The following TM9SF2 variants were observed in gnomAD, a reference collection of about 807,000 sequenced individuals.
TM9SF2 encodes the protein transmembrane 9 superfamily member 2.
A neutral mutation model predicts 84.9 loss-of-function variants in TM9SF2; 13 were observed. The ratio of observed to expected loss-of-function variants is 0.15; its 90% CI spans 0.10 to 0.24. The LOEUF is 0.24. TM9SF2 is among the 10% of genes least tolerant of loss of function. The pLI, the probability that TM9SF2 is intolerant of heterozygous loss-of-function variation, is 1.00. For missense variants in TM9SF2, 562 were observed against 818.5 expected, an observed-to-expected ratio of 0.69 and a Z score of 3.82; for synonymous variants, 273 against 285.8, an observed-to-expected ratio of 0.96 and a Z score of 0.45.
At chr13:99,549,303 C>T (rs1485558252) in intron 12 of TM9SF2, 81 bp downstream of exon 12, 4 of 1,062,286 alleles carry the variant, frequency 3.8e-6, no homozygotes, top group African/African-American at 3.2e-5. Context: ...GTCTTTAATC[C>T]TCCGTGTCTC....
chr13:99,539,100 C>T (rs1286550711), intron 6 of TM9SF2, among the ~76,000 whole-genome samples: 2 of 145,964 alleles, frequency 1.4e-5, no homozygotes, highest in Non-Finnish European at 3.0e-5. Flanking sequence ...GTCCCATCTA[C>T]TTGGGAGACT....
In TM9SF2 at chr13:99,543,907, T is replaced by C. The variant is rs1372677405; in HGVS notation, c.1062T>C (p.Asp354=). 1.2e-6 allele frequency: 2 copies of C among 1,614,194 alleles called. No individual in the cohort carries two copies. Among genetic ancestry groups the C allele is most frequent in the Admixed American group, 1.7e-5 (1 of 60,018 alleles). ...TTGGCTGGAAACTTGTTCATGGTGA[T>C]ATATTCCGTCCTCCAAGAAAAGGGA... is the stretch of plus-strand genomic sequence containing the variant. The part of the protein sequence containing the change: ...EEFGWKLVHG[D]IFRPPRKGML... The change falls in exon 10 of 17, where the codon GAT becomes GAC. Residue 354 remains aspartate (D), a synonymous_variant. Coordinates refer to ENST00000376387, the MANE Select transcript of TM9SF2 (RefSeq NM_004800.3).
intron 2 of TM9SF2, among the ~76,000 whole-genome samples, chr13:99,518,386 C>T (rs2046143998): frequency 6.6e-6 from 1 of 152,246 alleles, no homozygotes; most frequent in South Asian, 2.1e-4. Context: ...GATGGGATTA[C>T]AGGCGTGAGC....
chr13:99,532,941 G>T (rs1435486996), intron 4 of TM9SF2, among the ~76,000 whole-genome samples: 1 of 152,178 alleles, frequency 6.6e-6, no homozygotes, highest in African/African-American at 2.4e-5. Flanking sequence ...GATTTTAAGT[G>T]TAACCCTTAA....
chr13:99,555,429 G>A (rs1228739175), intron 14 of TM9SF2, 107 bp from the exon 15 acceptor site: 4 of 827,146 alleles, frequency 4.8e-6, no homozygotes, highest in Admixed American at 2.4e-5. Context: ...TTGGTTAGTT[G>A]AGAGAAAAAG....
In TM9SF2 at chr13:99,536,736, G is replaced by C. The variant is rs1006169236; in HGVS notation, c.590G>C (p.Ser197Thr). 1.1e-5 allele frequency: 17 copies of C among 1,613,034 alleles called. No homozygotes were observed. The highest frequency in any genetic ancestry group is 1.4e-5 in the Non-Finnish European group (16 of 1,179,432). Residue 197 changes from serine to threonine, a missense_variant and splice_region_variant, in exon 5 of 17, where the codon AGT (serine) becomes ACT (threonine). By Grantham distance (58) the Ser-to-Thr change is moderately conservative. Transcript: ENST00000376387. ...KGHAKDACVI[S>T]SDFHERDTFY... ...CATGCAAAAGATGCCTGTGTTATTA[G>C]TGTAAGTTCATGATAAACTCTTTGC...
intron 1 of TM9SF2, among the ~76,000 whole-genome samples, chr13:99,508,814 G>T (rs1302045576): frequency 1.3e-5 from 2 of 152,122 alleles, no homozygotes; most frequent in Non-Finnish European, 2.9e-5. Context: ...AGGGAGTGGT[G>T]CCAACCCATT....
Position 99,562,768 on chromosome 13 carries a change from G to C in TM9SF2, c.*10G>C, listed in dbSNP as rs372946845. 1.2e-6 allele frequency: 2 copies of C among 1,611,286 alleles called. No individual in the cohort carries two copies. The highest frequency in any genetic ancestry group is 1.7e-6 in the Non-Finnish European group (2 of 1,178,942). Reference sequence around the variant, plus strand: ...GGTGAAGGTTGACTGAAGAAGTCCAGTGTGTCCAGTTAAAACAGAAATAAA... The same window carrying C: ...GGTGAAGGTTGACTGAAGAAGTCCACTGTGTCCAGTTAAAACAGAAATAAA... On this transcript the variant is annotated 3_prime_UTR_variant, in exon 17 of 17. Coordinates refer to ENST00000376387, the MANE Select transcript of TM9SF2 (RefSeq NM_004800.3).
chr13:99,545,146 G>A (rs1465308400), intron 10 of TM9SF2, among the ~76,000 whole-genome samples: 3 of 151,934 alleles, frequency 2.0e-5, no homozygotes, highest in Non-Finnish European at 4.4e-5. Flanking sequence ...TATTTTTTAT[G>A]TTTGATTACA....
chr13:99,559,660 C>G (rs763989468), intron 16 of TM9SF2, 126 bp downstream of exon 16: 3 of 870,202 alleles, frequency 3.4e-6, no homozygotes, highest in Non-Finnish European at 5.1e-6. Flanking sequence ...TAGTCCTCAG[C>G]ACAACTAGGC....
intron 13 of TM9SF2, 99 bp downstream of exon 13, chr13:99,552,425 C>A: frequency 8.3e-7 from 1 of 1,209,708 alleles, no homozygotes; most frequent in Non-Finnish European, 1.2e-6. Context: ...AAGATGTAAA[C>A]TTGTCCTTTA....
rs79250009 is a variant in TM9SF2, at chr13:99,530,660, A to G, written c.461+1066A>G. Among the ~76,000 whole-genome samples, 620 of 152,332 alleles carry G rather than the reference A, an allele frequency of 4.1e-3. 5 individuals carry two copies. The highest frequency in any genetic ancestry group is 0.014 in the African/African-American group (580 of 41,586). ...TGTGGGCTATGAAAAAAATCACAGG[A>G]AAACAAAACTTAACTTTTGTTTGAT... On this transcript the variant is annotated intron_variant, in intron 4 of 16. Coordinates refer to ENST00000376387, the MANE Select transcript of TM9SF2 (RefSeq NM_004800.3).
At chr13:99,557,437 A>G (rs1594062889) in intron 15 of TM9SF2, among the ~76,000 whole-genome samples, 1 of 152,096 alleles carries the variant, frequency 6.6e-6, no homozygotes, top group East Asian at 1.9e-4. Context: ...TCTTTATCAG[A>G]TTGTTATTTG....
intron 13 of TM9SF2, among the ~76,000 whole-genome samples, chr13:99,553,848 A>G (rs541692125): frequency 2.0e-5 from 3 of 152,260 alleles, no homozygotes; most frequent in Admixed American, 6.5e-5. Context: ...TGTTGTTTTC[A>G]TGTTCTTAAG....
chr13:99,512,393 C>T (rs760797783), intron 1 of TM9SF2, among the ~76,000 whole-genome samples: 1 of 152,170 alleles, frequency 6.6e-6, no homozygotes, highest in Non-Finnish European at 1.5e-5. Flanking sequence ...TCTGATGATA[C>T]ATTCTTTCTA....
Position 99,520,069 on chromosome 13 carries a change from C to G in TM9SF2, c.273C>G (p.Arg91=). Reference sequence around the variant, plus strand: ...TTTGCCAAGCATCAGAAGGAAAGCGCCCATCTGAAAATCTTGGTCAGGTAC... The same window carrying G: ...TTTGCCAAGCATCAGAAGGAAAGCGGCCATCTGAAAATCTTGGTCAGGTAC... ...FDFCQASEGK[R]PSENLGQVLF... is the part of the protein sequence containing the mutation. The change falls in exon 3 of 17, where the codon CGC becomes CGG. Residue 91 remains arginine, a synonymous_variant. Transcript: ENST00000376387. 1 of 1,613,898 alleles carries G rather than the reference C, an allele frequency of 6.2e-7. No homozygotes were observed. Among genetic ancestry groups the G allele is most frequent in the Non-Finnish European group, 8.5e-7 (1 of 1,179,918 alleles).
intron 14 of TM9SF2, 132 bp downstream of exon 14, chr13:99,554,587 C>G: frequency 1.0e-6 from 1 of 956,114 alleles, no homozygotes; most frequent in South Asian, 2.0e-5. Flanking sequence ...ATCTTAAAAG[C>G]CAAAAGCTTA....
intron 3 of TM9SF2, among the ~76,000 whole-genome samples, chr13:99,524,819 C>T (rs2046175059): frequency 6.6e-6 from 1 of 151,910 alleles, no homozygotes; most frequent in Non-Finnish European, 1.5e-5. Context: ...CCCTCTCAGC[C>T]TCCCAAAGTG....
At chr13:99,504,574 A>T (rs1221913239) in intron 1 of TM9SF2, among the ~76,000 whole-genome samples, 1 of 152,212 alleles carries the variant, frequency 6.6e-6, no homozygotes, top group Non-Finnish European at 1.5e-5. Flanking sequence ...TTAGCTCAGG[A>T]TGTAAATTGA....
Sources: allele counts gnomAD v4.1 joint callset (sites outside exome capture counted in the v4.1 genomes callset), GRCh38; gene constraint gnomAD v4.1.1; transcripts MANE v1.5; gene names NCBI Gene and HGNC (gene_info 2026-07-23, HGNC 2026-07-21).